The following C12orf42 variants were observed in gnomAD, a reference collection of about 807,000 sequenced individuals.
The protein encoded by C12orf42 is chromosome 12 open reading frame 42.
In C12orf42, 25 loss-of-function variants were observed where a neutral mutation model predicts 21.6. That is an observed-to-expected ratio of 1.16 (90% CI 0.84 to 1.62). The LOEUF is 1.62. Among genes scored for constraint, C12orf42 ranks in the 40% most tolerant of loss-of-function variants. C12orf42 has a pLI of 0.00. For synonymous variants in C12orf42, 174 were observed against 175.0 expected, an observed-to-expected ratio of 0.99 and a Z score of 0.05; for missense variants, 483 against 459.3, an observed-to-expected ratio of 1.05 and a Z score of -0.47.
chr12:103,056,020 G>A, the C12orf42 span, among the ~76,000 whole-genome samples: 21 of 152,200 alleles, frequency 1.4e-4, no homozygotes, highest in African/African-American at 5.1e-4. Flanking sequence ...TGTTTGTTGG[G>A]TGGAGTGTTC....
chr12:103,149,306 A>T, the C12orf42 span, among the ~76,000 whole-genome samples: 2 of 152,204 alleles, frequency 1.3e-5, no homozygotes, highest in Non-Finnish European at 2.9e-5. Flanking sequence ...TGTATGATAA[A>T]GGTTGCCCCA....
the C12orf42 span, among the ~76,000 whole-genome samples, chr12:103,522,435 A>T: frequency 5.1e-4 from 77 of 152,240 alleles, no homozygotes; most frequent in African/African-American, 1.7e-3. Flanking sequence ...CCCTCTCTGT[A>T]ACACCAGCTA....
At chr12:103,232,999 G>A (rs2033350587), downstream of C12orf42, among the ~76,000 whole-genome samples, 1 of 152,154 alleles carries the variant, frequency 6.6e-6, no homozygotes, top group African/African-American at 2.4e-5. Flanking sequence ...AGTGAGATAT[G>A]TGTCACCTCA....
chr12:103,519,508 T>A, the C12orf42 span, among the ~76,000 whole-genome samples: 14 of 152,268 alleles, frequency 9.2e-5, 1 homozygote, highest in Admixed American at 2.6e-4. Context: ...TACTTAACCC[T>A]CTAGGTCTAT....
At chr12:103,153,833 T>A in the C12orf42 span, among the ~76,000 whole-genome samples, 5 of 151,982 alleles carry the variant, frequency 3.3e-5, no homozygotes, top group Admixed American at 3.3e-4. Flanking sequence ...TTCATACATA[T>A]ACTCACCAGA....
chr12:103,295,874 T>A (rs1033221638), intron 4 of C12orf42, among the ~76,000 whole-genome samples: 21 of 152,126 alleles, frequency 1.4e-4, no homozygotes, highest in African/African-American at 2.9e-4. Context: ...AATTTTTTTT[T>A]AAATTATACT....
chr12:103,384,904 C>A (rs1328909614), intron 3 of C12orf42, among the ~76,000 whole-genome samples: 2 of 152,158 alleles, frequency 1.3e-5, no homozygotes, highest in African/African-American at 4.8e-5. Context: ...AGTGTCTGAA[C>A]CACCAGCCGA....
the C12orf42 span, among the ~76,000 whole-genome samples, chr12:103,114,450 C>A: frequency 3.3e-5 from 5 of 152,156 alleles, no homozygotes; most frequent in African/African-American, 1.2e-4. Flanking sequence ...GTGAGAAATG[C>A]AAGTTCTCAG....
the C12orf42 span, among the ~76,000 whole-genome samples, chr12:103,118,347 A>T: frequency 5.6e-3 from 847 of 152,330 alleles, 14 homozygotes; most frequent in African/African-American, 0.02. Context: ...TTGGAAGGTG[A>T]GAGTGTGAGG....
chr12:103,558,709 G>A, the C12orf42 span: 1 of 152,192 alleles, frequency 6.6e-6, no homozygotes, highest in African/African-American at 2.4e-5. Flanking sequence ...TATCCCTACG[G>A]TGGGCCAGGC....
chr12:103,089,232 A>T, the C12orf42 span, among the ~76,000 whole-genome samples: 1 of 152,002 alleles, frequency 6.6e-6, no homozygotes, highest in Non-Finnish European at 1.5e-5. Context: ...CAAAAACCTC[A>T]TGAGAGACCC....
At chr12:103,524,885 T>G in the C12orf42 span, among the ~76,000 whole-genome samples, 1 of 147,802 alleles carries the variant, frequency 6.8e-6, no homozygotes, top group African/African-American at 2.5e-5. Context: ...CAGAGTTATC[T>G]TCTCCTGACT....
At chr12:103,166,903 A>C in the C12orf42 span, among the ~76,000 whole-genome samples, 1 of 152,146 alleles carries the variant, frequency 6.6e-6, no homozygotes, top group African/African-American at 2.4e-5. Context: ...TGGCTCAGAA[A>C]ATTAGCTTTT....
At chr12:103,255,588 ATTTCTT>A (rs1210137075) in intron 10 of C12orf42, among the ~76,000 whole-genome samples, 1 of 152,004 alleles carries the variant, frequency 6.6e-6, no homozygotes, top group Non-Finnish European at 1.5e-5. Flanking sequence ...TAATAATACT[ATTTCTT>A]TTTCTTTCTT....
intron 4 of C12orf42, among the ~76,000 whole-genome samples, chr12:103,292,012 A>G (rs2036858199): frequency 6.6e-6 from 1 of 152,216 alleles, no homozygotes; most frequent in Non-Finnish European, 1.5e-5. Flanking sequence ...AGGTGGACAC[A>G]GCCCCAATGT....
At chr12:103,186,463 G>A in the C12orf42 span, among the ~76,000 whole-genome samples, 42 of 152,200 alleles carry the variant, frequency 2.8e-4, no homozygotes, top group African/African-American at 7.2e-4. Flanking sequence ...GCTGACATGC[G>A]TTCAAAAGTG....
At chr12:103,373,396 C>T (rs2045429569) in intron 3 of C12orf42, among the ~76,000 whole-genome samples, 2 of 152,174 alleles carry the variant, frequency 1.3e-5, no homozygotes, top group Non-Finnish European at 2.9e-5. Flanking sequence ...TAACCCCTCT[C>T]CTCCCAAGTC....
At chr12:103,125,143 C>A in the C12orf42 span, among the ~76,000 whole-genome samples, 1 of 152,048 alleles carries the variant, frequency 6.6e-6, no homozygotes, top group Non-Finnish European at 1.5e-5. Context: ...CTTTCATATT[C>A]TGTTTTTTGG....
At chr12:103,314,221 G>A (rs1367811974) in intron 4 of C12orf42, among the ~76,000 whole-genome samples, 3 of 151,936 alleles carry the variant, frequency 2.0e-5, no homozygotes, top group Admixed American at 2.0e-4. Context: ...GGTGTTGGGA[G>A]GGCAGGAGAG....
Sources: allele counts gnomAD v4.1 joint callset (sites outside exome capture counted in the v4.1 genomes callset), GRCh38; gene constraint gnomAD v4.1.1; transcripts MANE v1.5; gene names NCBI Gene and HGNC (gene_info 2026-07-23, HGNC 2026-07-21).